Variants in SPHKAP observed in about 807,000 individuals in gnomAD.
The protein encoded by SPHKAP is SPHK1 interactor, AKAP domain containing, also known as A-kinase anchor protein SPHKAP.
SPHKAP carries 67 observed loss-of-function variants against 137.5 expected under a neutral mutation model. The ratio of observed to expected loss-of-function variants is 0.49; its 90% CI spans 0.40 to 0.60. The LOEUF (loss-of-function observed/expected upper bound fraction) is 0.60, where lower values mean the gene tolerates loss of function less well. Ranked by LOEUF, SPHKAP falls within the 20% of genes least tolerant of loss-of-function variation. SPHKAP has a pLI of 0.00. For synonymous variants in SPHKAP, 813 were observed against 785.3 expected, an observed-to-expected ratio of 1.04 and a Z score of -0.59; for missense variants, 2,097 against 2,069.3, an observed-to-expected ratio of 1.01 and a Z score of -0.26.
At chr2:228,165,240 G>T (rs1291262474) in intron 1 of SPHKAP, among the ~76,000 whole-genome samples, 1 of 151,864 alleles carries the variant, frequency 6.6e-6, no homozygotes, top group Non-Finnish European at 1.5e-5. Context: ...GACTAGACAT[G>T]TATCCATTTC....
intron 7 of SPHKAP, among the ~76,000 whole-genome samples, chr2:228,012,163 CAAAAAAAA>C (rs544782857): frequency 3.9e-4 from 33 of 84,922 alleles, no homozygotes; most frequent in African/African-American, 1.5e-3. Context: ...GACTCTACCT[CAAAAAAAA>C]AAAAAAAAAA....
intron 3 of SPHKAP, among the ~76,000 whole-genome samples, chr2:228,051,984 CAT>C (rs1696270502): frequency 6.6e-6 from 1 of 152,094 alleles, no homozygotes; most frequent in Non-Finnish European, 1.5e-5. Flanking sequence ...ATCATTTTGA[CAT>C]ATGAATTTTG....
At chr2:228,151,180 G>A (rs1574898026) in intron 1 of SPHKAP, among the ~76,000 whole-genome samples, 2 of 150,896 alleles carry the variant, frequency 1.3e-5, no homozygotes, top group East Asian at 2.0e-4. Context: ...GAGAACATGC[G>A]GTGTTTGGTT....
At position 228,143,269 on chromosome 2, in the gene SPHKAP, C is replaced by T. The variant is rs10186303; in HGVS notation, c.33-11184G>A. Reference sequence around the variant, plus strand: ...TTAAAATATAAGACTGGGCCAGGTGCGGTGGCTCACGCCTGTAATCTCAGT... The same window carrying T: ...TTAAAATATAAGACTGGGCCAGGTGTGGTGGCTCACGCCTGTAATCTCAGT... On this transcript the variant is annotated intron_variant, in intron 1 of 11. Transcript: ENST00000392056. Among the ~76,000 whole-genome samples, 402 of 152,026 alleles carry T rather than the reference C, an allele frequency of 2.6e-3. 3 individuals carry two copies. Among genetic ancestry groups the T allele is most frequent in the African/African-American group, 8.5e-3 (353 of 41,468 alleles).
intron 1 of SPHKAP, among the ~76,000 whole-genome samples, chr2:228,136,385 C>T (rs1699440999): frequency 6.6e-6 from 1 of 152,152 alleles, no homozygotes; most frequent in South Asian, 2.1e-4. Flanking sequence ...TTAAACCAGA[C>T]TTCCATAAAG....
At position 228,171,877 on chromosome 2, in the gene SPHKAP, C is replaced by G. The variant is rs893125705; in HGVS notation, c.32+9690G>C. 2.0e-5 allele frequency among the ~76,000 whole-genome samples: 3 copies of G among 152,104 alleles called. No homozygotes were observed. In the East Asian group the frequency reaches 5.8e-4, roughly 29 times the overall value. ...TCTTCTTACTCCTATTGACATGCTA[C>G]CAAAATCAGTGTTTTGTCAACCCCT... On this transcript the variant is annotated intron_variant, in intron 1 of 11. Transcript: ENST00000392056.
chr2:228,174,729 C>T (rs1333163827), intron 1 of SPHKAP, among the ~76,000 whole-genome samples: 1 of 151,976 alleles, frequency 6.6e-6, no homozygotes. Context: ...AGAACCAGAC[C>T]TAGGTATGGC....
chr2:228,113,318 G>A (rs753429026), intron 2 of SPHKAP, among the ~76,000 whole-genome samples: 19 of 152,044 alleles, frequency 1.2e-4, no homozygotes, highest in Non-Finnish European at 2.6e-4. Context: ...ACTATTATCT[G>A]AATTAAATTT....
intron 6 of SPHKAP, 40 bp from the exon 7 acceptor site, chr2:228,020,196 T>C (rs749385702): frequency 3.3e-6 from 5 of 1,536,118 alleles, no homozygotes; most frequent in East Asian, 4.5e-5. Flanking sequence ...ACTTTTTGGA[T>C]AGCAGGTTAC....
At chr2:228,123,456 A>G (rs369904441) in intron 2 of SPHKAP, among the ~76,000 whole-genome samples, 1 of 152,236 alleles carries the variant, frequency 6.6e-6, no homozygotes, top group East Asian at 1.9e-4. Flanking sequence ...AGATGTGAAT[A>G]AGCTCAATAA....
chr2:228,131,869 T>G, intron 2 of SPHKAP, 111 bp downstream of exon 2: 3 of 1,440,402 alleles, frequency 2.1e-6, no homozygotes, highest in South Asian at 2.6e-5. Context: ...TGAGCCATTT[T>G]GTTGTTTGTT....
chr2:228,098,520 C>A (rs932163133), intron 3 of SPHKAP, among the ~76,000 whole-genome samples: 1 of 152,002 alleles, frequency 6.6e-6, no homozygotes, highest in Non-Finnish European at 1.5e-5. Context: ...GGACAAAAAA[C>A]CAAACACTGC....
chr2:228,176,871 G>A (rs924302303), intron 1 of SPHKAP, among the ~76,000 whole-genome samples: 4 of 152,078 alleles, frequency 2.6e-5, no homozygotes, highest in South Asian at 2.1e-4. Flanking sequence ...GCGAAACTCC[G>A]TCTCAAAAAC....
chr2:228,079,758 C>A (rs1028918545), intron 3 of SPHKAP, among the ~76,000 whole-genome samples: 1 of 152,184 alleles, frequency 6.6e-6, no homozygotes, highest in Non-Finnish European at 1.5e-5. Flanking sequence ...AGGCTCCAAA[C>A]CCATCCACAC....
At chr2:227,987,526 A>G (rs1693256281) in intron 11 of SPHKAP, among the ~76,000 whole-genome samples, 1 of 152,230 alleles carries the variant, frequency 6.6e-6, no homozygotes, top group South Asian at 2.1e-4. Flanking sequence ...TTCTGAATGT[A>G]CGATTTTCAG....
intron 3 of SPHKAP, among the ~76,000 whole-genome samples, chr2:228,047,664 T>C (rs903126735): frequency 2.6e-5 from 4 of 152,142 alleles, no homozygotes; most frequent in African/African-American, 9.7e-5. Flanking sequence ...GGACAGCCCC[T>C]CTGTGCTCGC....
intron 3 of SPHKAP, among the ~76,000 whole-genome samples, chr2:228,036,602 T>C (rs1454860970): frequency 1.3e-5 from 2 of 152,138 alleles, no homozygotes; most frequent in Non-Finnish European, 2.9e-5. Flanking sequence ...ATTGCGGCAC[T>C]ATTCACAATA....
intron 1 of SPHKAP, among the ~76,000 whole-genome samples, chr2:228,157,058 C>A (rs1700127843): frequency 6.6e-6 from 1 of 151,902 alleles, no homozygotes; most frequent in Non-Finnish European, 1.5e-5. Context: ...TCCCTACCTT[C>A]GTGGAGTTTA....
At chr2:228,145,965 T>C (rs1287922114) in intron 1 of SPHKAP, among the ~76,000 whole-genome samples, 1 of 152,166 alleles carries the variant, frequency 6.6e-6, no homozygotes, top group Non-Finnish European at 1.5e-5. Context: ...GCCTGGAAAA[T>C]ATTTAATTAC....
Sources: gnomAD v4.1 joint callset for allele counts (sites outside exome capture counted in the v4.1 genomes callset) on GRCh38, gnomAD v4.1.1 for gene constraint, MANE v1.5 for transcripts, NCBI Gene and HGNC (gene_info 2026-07-23, HGNC 2026-07-21) for gene names.